Variants in HDGF observed in about 807,000 individuals in gnomAD.
HDGF encodes the protein hepatoma-derived growth factor.
HDGF carries 5 observed loss-of-function variants against 30.0 expected under a neutral mutation model. The observed-to-expected ratio is 0.17, with a 90% confidence interval of 0.09 to 0.35. The LOEUF (loss-of-function observed/expected upper bound fraction) is 0.35. Among genes scored for constraint, HDGF ranks in the 10% least tolerant of loss-of-function variants. The pLI is 1.00. For synonymous variants in HDGF, 133 were observed against 112.7 expected (o/e 1.18, Z -1.14); for missense variants, 214 against 302.8 (o/e 0.71, Z 2.18).
At chr1:156,751,963 G>A (rs1375535771), upstream of HDGF, 2 of 1,400,940 alleles carry the variant, frequency 1.4e-6, no homozygotes, top group East Asian at 2.5e-5. This position sits in a 1 kb window ranked among gnomAD's most constrained non-coding sequence, Gnocchi z 4.7. Flanking sequence ...GTGGGTGCCC[G>A]CCCGCCCGGG....
intron 1 of HDGF, among the ~76,000 whole-genome samples, chr1:156,763,354 TACAGG>T (rs1651287063): frequency 6.6e-6 from 1 of 151,636 alleles, no homozygotes; most frequent in Non-Finnish European, 1.5e-5. Context: ...TAGCTGGGAC[TACAGG>T]TGTGTGCCAC....
At position 156,744,253 on chromosome 1, in the gene HDGF, G is replaced by A. The variant is rs1446180798; in HGVS notation, c.399C>T (p.Ser133=). Residue 133 remains serine (S), a synonymous_variant, in exon 4 of 6, where the codon AGC becomes AGT. Coordinates refer to ENST00000357325, the MANE Select transcript of HDGF (RefSeq NM_004494.3). ...GDKKGNAEGS[S]DEEGKLVIDE... Reference sequence around the variant, plus strand: ...CAATGACCAGCTTCCCTTCCTCGTCGCTGCTGCCCTCTGCATTCCCCTTCT... The same window carrying A: ...CAATGACCAGCTTCCCTTCCTCGTCACTGCTGCCCTCTGCATTCCCCTTCT... 7 of 1,613,986 alleles carry A rather than the reference G, an allele frequency of 4.3e-6. No homozygotes were observed. The highest frequency in any genetic ancestry group is 5.1e-6 in the Non-Finnish European group (6 of 1,179,986).
Position 156,751,657 on chromosome 1 carries a change from G to C in HDGF, c.-228C>G. ...GCTCCGGCGCGGTGGGTGCGCGCTC[G>C]TGCAGTTGTTTGTGTTTGAAATTCA... On this transcript the variant is annotated 5_prime_UTR_variant, in exon 1 of 6. Transcript: ENST00000357325. The surrounding 1 kb of genome is among the most constrained non-coding windows in gnomAD (Gnocchi z 4.7). 1 of 1,036,332 alleles carries C rather than the reference G, an allele frequency of 9.6e-7. No homozygotes were observed. Among genetic ancestry groups the C allele is most frequent in the Non-Finnish European group, 1.2e-6 (1 of 864,362 alleles). The allele number at this position is 1,036,332 out of a possible 1,614,324, so 64.2% of individuals were successfully genotyped here. A position where few individuals can be genotyped will look rare whatever the true frequency, so the allele number is the denominator to read the frequency against.
chr1:156,756,116 G>A (rs1000978970), upstream of HDGF, among the ~76,000 whole-genome samples: 1 of 152,164 alleles, frequency 6.6e-6, no homozygotes, highest in Non-Finnish European at 1.5e-5. Context: ...GCTGGGTGTG[G>A]TGGCGGGCCC....
At position 156,745,379 on chromosome 1, in the gene HDGF, G is replaced by A. The variant is rs775635250; in HGVS notation, c.88-6C>T. The A allele has an allele frequency of 6.2e-7, 1 of 1,612,892 alleles. No individual in the cohort carries two copies. Among genetic ancestry groups the A allele is most frequent in the Non-Finnish European group, 8.5e-7 (1 of 1,179,290 alleles). On this transcript the variant is annotated splice_polypyrimidine_tract_variant and splice_region_variant and intron_variant, in intron 1 of 5. Coordinates refer to ENST00000357325, the MANE Select transcript of HDGF (RefSeq NM_004494.3). ...GCCTCAGGCATCTCGTCAATCTGGG[G>A]TGAGATGAGGGGGTGAGGTTAGCTA... is the stretch of plus-strand genomic sequence containing the variant.
chr1:156,759,639 G>A (rs1282431303), intron 1 of HDGF, among the ~76,000 whole-genome samples: 2 of 152,034 alleles, frequency 1.3e-5, no homozygotes. Flanking sequence ...ACGCCACCAT[G>A]CCCGGCTCAT....
At chr1:156,760,418 C>T (rs1291558560) in intron 1 of HDGF, among the ~76,000 whole-genome samples, 1 of 152,190 alleles carries the variant, frequency 6.6e-6, no homozygotes, top group Non-Finnish European at 1.5e-5. Context: ...AGGTAGCCTC[C>T]CCACATGCTG....
At chr1:156,754,117 T>C (rs1446194636), upstream of HDGF, among the ~76,000 whole-genome samples, 3 of 152,160 alleles carry the variant, frequency 2.0e-5, no homozygotes, top group Admixed American at 6.5e-5. Flanking sequence ...GGTTTCACCA[T>C]GTTAGTCAGG....
chr1:156,745,325 G>C lies in HDGF; in HGVS notation c.136C>G (p.Gln46Glu). ...TCGTGGGTCCCGAAAAAAAAGACTT[G>C]GTATTTGTTGGCTGTTGATTTCACG... ...AAVKSTANKYQVFFFGTHETA... is the reference protein window; with the variant it reads ...AAVKSTANKYEVFFFGTHETA... The change falls in exon 2 of 6, where the codon CAA (glutamine) becomes GAA (glutamate). Residue 46 changes from glutamine to glutamate, a missense_variant. Coordinates refer to ENST00000357325, the MANE Select transcript of HDGF (RefSeq NM_004494.3). 1 of 1,613,838 alleles carries C rather than the reference G, an allele frequency of 6.2e-7. No individual in the cohort carries two copies. Among genetic ancestry groups the C allele is most frequent in the Non-Finnish European group, 8.5e-7 (1 of 1,179,960 alleles).
intron 1 of HDGF, among the ~76,000 whole-genome samples, chr1:156,747,028 GC>G (rs1055662423): frequency 6.6e-6 from 1 of 151,882 alleles, no homozygotes; most frequent in African/African-American, 2.4e-5. Context: ...CTCCCCGCTT[GC>G]CCCGTGGCCT....
chr1:156,747,779 G>C (rs1256793719), intron 1 of HDGF, among the ~76,000 whole-genome samples: 1 of 152,128 alleles, frequency 6.6e-6, no homozygotes, highest in Admixed American at 6.5e-5. Flanking sequence ...TCATAAGAGG[G>C]TGTGTGTGGG....
intron 4 of HDGF, 36 bp downstream of exon 4, chr1:156,744,127 T>C (rs749948886): frequency 6.2e-7 from 1 of 1,605,008 alleles, no homozygotes; most frequent in Non-Finnish European, 8.5e-7. Context: ...TGGGGAATGT[T>C]GAGGGGGGCC....
At chr1:156,743,528 G>A in intron 5 of HDGF, 73 bp from the exon 6 acceptor site, 1 of 1,582,270 alleles carries the variant, frequency 6.3e-7, no homozygotes, top group Non-Finnish European at 8.6e-7. Context: ...GCCAGTGCCG[G>A]TCTCCTAGGA....
chr1:156,757,576 T>G (rs977228451), intron 2 of HDGF, among the ~76,000 whole-genome samples: 2 of 151,972 alleles, frequency 1.3e-5, no homozygotes, highest in Non-Finnish European at 2.9e-5. Flanking sequence ...GTGGATCACT[T>G]GAGGCCAGGA....
At chr1:156,761,424 C>T (rs964871529) in intron 1 of HDGF, among the ~76,000 whole-genome samples, 1 of 150,810 alleles carries the variant, frequency 6.6e-6, no homozygotes, top group Non-Finnish European at 1.5e-5. Flanking sequence ...GTCTGGCCAA[C>T]ATGGTAAAAC....
At chr1:156,744,374 G>A in intron 3 of HDGF, 26 bp from the exon 4 acceptor site, 2 of 1,612,500 alleles carry the variant, frequency 1.2e-6, no homozygotes, top group Non-Finnish European at 8.5e-7. Flanking sequence ...CACAGGCTGA[G>A]TGGCACCAGT....
intron 5 of HDGF, 33 bp from the exon 6 acceptor site, chr1:156,743,488 A>AT (rs1404422120): frequency 9.6e-6 from 15 of 1,558,112 alleles, no homozygotes; most frequent in African/African-American, 2.7e-5. Flanking sequence ...AGAAGGGTTA[A>AT]TGGTGTGGCC....
At chr1:156,751,832 T>G, upstream of HDGF, 1 of 1,004,724 alleles carries the variant, frequency 1.0e-6, no homozygotes, top group Non-Finnish European at 1.3e-6. The surrounding 1 kb of genome is among the most constrained non-coding windows in gnomAD (Gnocchi z 4.7). Flanking sequence ...TGCAGCTTCT[T>G]GACGCCCAGG....
chr1:156,759,371 T>C (rs1490651935), intron 1 of HDGF, among the ~76,000 whole-genome samples: 1 of 152,214 alleles, frequency 6.6e-6, no homozygotes, highest in Non-Finnish European at 1.5e-5. Flanking sequence ...GAGATAACTA[T>C]TTCCTTTACA....
Sources: allele counts gnomAD v4.1 joint callset (sites outside exome capture counted in the v4.1 genomes callset), GRCh38; gene constraint gnomAD v4.1.1; non-coding constraint Gnocchi (gnomAD v3.1); transcripts MANE v1.5; gene names NCBI Gene and HGNC (gene_info 2026-07-23, HGNC 2026-07-21).